ZNF609: variants seen among roughly 807,000 people sequenced by gnomAD.
ZNF609 encodes the protein zinc finger protein 609.
In ZNF609, 11 loss-of-function variants were observed where a neutral mutation model predicts 109.5. The observed-to-expected ratio is 0.10, with a 90% CI of 0.06 to 0.17. The LOEUF is 0.17. Among genes scored for constraint, ZNF609 ranks in the 10% least tolerant of loss-of-function variants. The pLI is 1.00. For missense variants in ZNF609, 1,559 were observed against 1,772.4 expected, an observed-to-expected ratio of 0.88 and a Z score of 2.16; for synonymous variants, 646 against 662.0, an observed-to-expected ratio of 0.98 and a Z score of 0.37.
chr15:64,464,244 G>A (rs1892980779), intron 1 of ZNF609, among the ~76,000 whole-genome samples: 1 of 152,174 alleles, frequency 6.6e-6, no homozygotes, highest in African/African-American at 2.4e-5. Flanking sequence ...TCAAGTGGAA[G>A]TGCCACTCCT....
chr15:64,640,503 T>C (rs1056317525), intron 3 of ZNF609, among the ~76,000 whole-genome samples: 1 of 152,166 alleles, frequency 6.6e-6, no homozygotes, highest in African/African-American at 2.4e-5. Flanking sequence ...GTTTCAGCAG[T>C]TGGCAGCATA....
chr15:64,537,543 A>C (rs1358605386), intron 2 of ZNF609, among the ~76,000 whole-genome samples: 2 of 151,590 alleles, frequency 1.3e-5, no homozygotes, highest in East Asian at 3.9e-4. Flanking sequence ...GCAGAGTGAG[A>C]CTCCATCAAA....
chr15:64,601,664 C>G (rs1382680232), intron 2 of ZNF609, among the ~76,000 whole-genome samples: 2 of 152,180 alleles, frequency 1.3e-5, no homozygotes, highest in South Asian at 2.1e-4. Flanking sequence ...GAAGAATTTT[C>G]ACACAGTGAT....
intron 1 of ZNF609, among the ~76,000 whole-genome samples, chr15:64,465,370 A>ATTTG (rs754164313): frequency 1.6e-5 from 2 of 124,448 alleles, no homozygotes; most frequent in African/African-American, 5.4e-5. Flanking sequence ...TCGGTTGTTT[A>ATTTG]TTTGTTTGTT....
chr15:64,567,444 C>T (rs901394416), intron 2 of ZNF609, among the ~76,000 whole-genome samples: 2 of 151,742 alleles, frequency 1.3e-5, no homozygotes, highest in South Asian at 4.2e-4. Context: ...GATCACACCA[C>T]TGCACTCTAG....
At chr15:64,666,031 C>T (rs1274684618) in intron 3 of ZNF609, among the ~76,000 whole-genome samples, 9 of 150,380 alleles carry the variant, frequency 6.0e-5, no homozygotes, top group Admixed American at 2.7e-4. Flanking sequence ...GTAGGGATTG[C>T]GCCACTGCAC....
chr15:64,504,912 G>T (rs1218038487), intron 2 of ZNF609, among the ~76,000 whole-genome samples: 1 of 152,038 alleles, frequency 6.6e-6, no homozygotes, highest in African/African-American at 2.4e-5. Context: ...TTCTGCCTTG[G>T]CCTCGCAAGT....
intron 2 of ZNF609, among the ~76,000 whole-genome samples, chr15:64,578,550 A>T (rs762367482): frequency 6.6e-6 from 1 of 151,948 alleles, no homozygotes; most frequent in Non-Finnish European, 1.5e-5. Context: ...AAAATCAGCC[A>T]TGTGTGGTGG....
intron 2 of ZNF609, among the ~76,000 whole-genome samples, chr15:64,536,360 C>T (rs1400515628): frequency 6.6e-6 from 1 of 152,124 alleles, no homozygotes; most frequent in African/African-American, 2.4e-5. Context: ...ACTGTATAGC[C>T]TCTTCCTGTT....
intron 2 of ZNF609, among the ~76,000 whole-genome samples, chr15:64,548,020 G>C (rs1361511557): frequency 6.6e-6 from 1 of 152,152 alleles, no homozygotes; most frequent in Non-Finnish European, 1.5e-5. Flanking sequence ...ATGACCCTTT[G>C]ATGAGGATTA....
At chr15:64,537,706 AAAG>A (rs553780412) in intron 2 of ZNF609, among the ~76,000 whole-genome samples, 1 of 152,198 alleles carries the variant, frequency 6.6e-6, no homozygotes, top group African/African-American at 2.4e-5. Context: ...ATTTACATAG[AAAG>A]AAGAAGTGTT....
intron 2 of ZNF609, among the ~76,000 whole-genome samples, chr15:64,513,978 G>C (rs1383677684): frequency 6.6e-6 from 1 of 151,828 alleles, no homozygotes; most frequent in African/African-American, 2.4e-5. Flanking sequence ...TGTGGTCCCA[G>C]CTACTTGAGA....
chr15:64,649,726 G>A lies in ZNF609; in HGVS notation c.974-20620G>A, dbSNP rs1391342073. Among the ~76,000 whole-genome samples, 5 of 152,208 alleles carry A rather than the reference G, an allele frequency of 3.3e-5. No homozygotes were observed. In the South Asian group the frequency reaches 8.3e-4, roughly 25 times the overall value. ...GCATCATTTTTGCGGGGGAGGGGTTGCTTTTTATTTTGTACATGAATACAT... is the reference window on the plus strand; with the variant it reads ...GCATCATTTTTGCGGGGGAGGGGTTACTTTTTATTTTGTACATGAATACAT... On this transcript the variant is annotated intron_variant, in intron 3 of 9. Coordinates refer to ENST00000326648, the MANE Select transcript of ZNF609 (RefSeq NM_015042.2).
At chr15:64,600,229 T>A (rs568266849) in intron 2 of ZNF609, among the ~76,000 whole-genome samples, 58 of 151,932 alleles carry the variant, frequency 3.8e-4, no homozygotes, top group African/African-American at 1.0e-3. Flanking sequence ...GGCTGGCGGA[T>A]CACGAGGTCA....
chr15:64,647,817 A>G (rs140241745), intron 3 of ZNF609, among the ~76,000 whole-genome samples: 1 of 152,330 alleles, frequency 6.6e-6, no homozygotes, highest in African/African-American at 2.4e-5. Flanking sequence ...TATGTGTTTC[A>G]TAATAATAAC....
At chr15:64,521,248 T>G (rs115859100) in intron 2 of ZNF609, among the ~76,000 whole-genome samples, 88 of 152,324 alleles carry the variant, frequency 5.8e-4, no homozygotes, top group African/African-American at 2.0e-3. Flanking sequence ...AAGCAGCCTT[T>G]GAGGTGGTAA....
At chr15:64,493,035 T>C (rs1488807039) in intron 1 of ZNF609, among the ~76,000 whole-genome samples, 2 of 152,170 alleles carry the variant, frequency 1.3e-5, no homozygotes, top group African/African-American at 4.8e-5. Flanking sequence ...TATAAGAGGA[T>C]TGATCCAAAA....
chr15:64,534,814 C>T (rs1894115352), intron 2 of ZNF609, among the ~76,000 whole-genome samples: 1 of 152,072 alleles, frequency 6.6e-6, no homozygotes, highest in Admixed American at 6.5e-5. Flanking sequence ...GGGTGGATGA[C>T]TTGAGGTCAT....
intron 3 of ZNF609, among the ~76,000 whole-genome samples, chr15:64,628,647 CAG>C (rs1459100375): frequency 2.6e-5 from 4 of 152,190 alleles, no homozygotes; most frequent in Admixed American, 6.5e-5. Flanking sequence ...TTTTTTGAGA[CAG>C]AGTTTCTCTC....
Sources: allele counts gnomAD v4.1 joint callset (sites outside exome capture counted in the v4.1 genomes callset), GRCh38; gene constraint gnomAD v4.1.1; transcripts MANE v1.5; gene names NCBI Gene and HGNC (gene_info 2026-07-23, HGNC 2026-07-21).